The following NFE2L2 variants were observed in gnomAD, a reference collection of about 807,000 sequenced individuals.
NFE2L2 encodes the protein NFE2 like bZIP transcription factor 2, also known as nuclear factor erythroid 2-related factor 2.
In NFE2L2, 20 loss-of-function variants were observed where a neutral mutation model predicts 49.6. The observed-to-expected ratio is 0.40, with a 90% CI of 0.28 to 0.59. NFE2L2 has a LOEUF of 0.59. NFE2L2 is among the 20% of genes least tolerant of loss of function. NFE2L2 has a pLI of 0.40. For synonymous variants in NFE2L2, 244 were observed against 256.5 expected, an observed-to-expected ratio of 0.95 and a Z score of 0.47; for missense variants, 578 against 714.2, an observed-to-expected ratio of 0.81 and a Z score of 2.17.
At chr2:177,264,338 C>T (rs1690859802) in intron 1 of NFE2L2, 194 bp downstream of exon 1, 1 of 530,566 alleles carries the variant, frequency 1.9e-6, no homozygotes, top group Non-Finnish European at 3.2e-6. Context: ...TCGGTCGGAT[C>T]ACCCGGCCGC....
rs189688195 is a variant in NFE2L2 at position 177,254,948 on chromosome 2, T to C, written c.45+9584A>G. Among the ~76,000 whole-genome samples, 186 of 152,370 alleles carry C rather than the reference T, an allele frequency of 1.2e-3. 1 individual carries two copies. Among genetic ancestry groups the C allele is most frequent in the Admixed American group, 2.4e-3 (37 of 15,312 alleles). ...TCAGATGTCTCCTAACTCCAAAGTC[T>C]GGCTCTTTTCACACCATAGGAAGTG... On this transcript the variant is annotated intron_variant, in intron 1 of 4. Transcript: ENST00000397062.
At chr2:177,241,394 T>C (rs1689932654) in intron 1 of NFE2L2, among the ~76,000 whole-genome samples, 1 of 152,232 alleles carries the variant, frequency 6.6e-6, no homozygotes, top group Admixed American at 6.5e-5. Context: ...ATTATTTACC[T>C]AAAAGCTAAA....
At chr2:177,237,411 A>T (rs1367340503) in intron 1 of NFE2L2, among the ~76,000 whole-genome samples, 1 of 152,256 alleles carries the variant, frequency 6.6e-6, no homozygotes, top group Non-Finnish European at 1.5e-5. Flanking sequence ...TAAAATAGGT[A>T]TGAGAATAAT....
chr2:177,247,481 G>A (rs1319721063), intron 1 of NFE2L2, among the ~76,000 whole-genome samples: 3 of 152,048 alleles, frequency 2.0e-5, no homozygotes, highest in Admixed American at 1.3e-4. Flanking sequence ...CCAACATGGT[G>A]AAACCCTGTC....
At position 177,232,502 on chromosome 2, in the gene NFE2L2, C is replaced by G. The variant is rs1689589723; in HGVS notation, c.484G>C (p.Ala162Pro). Residue 162 changes from alanine to proline, a missense_variant, in exon 4 of 5, where the codon GCT becomes CCT. Physicochemically the swap from Ala to Pro is conservative, Grantham distance 27 (BLOSUM62 -1). Coordinates refer to ENST00000397062, the MANE Select transcript of NFE2L2 (RefSeq NM_006164.5). ...GCAACAGAAGTTTCAGGTGACTGAG[C>G]CTGATTAGTAGCAATGAAGACTGGG... The part of the protein sequence containing the change: ...ESPVFIATNQ[A>P]QSPETSVAQV... 3 of 1,614,092 alleles carry G rather than the reference C, an allele frequency of 1.9e-6. No homozygotes were observed. Among genetic ancestry groups the G allele is most frequent in the South Asian group, 1.1e-5 (1 of 91,070 alleles).
chr2:177,248,112 C>G (rs1287462122), intron 1 of NFE2L2, among the ~76,000 whole-genome samples: 1 of 152,108 alleles, frequency 6.6e-6, no homozygotes, highest in Non-Finnish European at 1.5e-5. Flanking sequence ...CAGTTCAAAC[C>G]CCAGGTTTAT....
chr2:177,234,891 G>A (rs746786122), intron 1 of NFE2L2, among the ~76,000 whole-genome samples: 2 of 152,010 alleles, frequency 1.3e-5, no homozygotes, highest in Non-Finnish European at 2.9e-5. Context: ...CAAGGTGGGT[G>A]GATCACCTGA....
intron 1 of NFE2L2, among the ~76,000 whole-genome samples, chr2:177,253,363 G>A (rs775320438): frequency 6.6e-6 from 1 of 152,136 alleles, no homozygotes; most frequent in South Asian, 2.1e-4. Flanking sequence ...CAGGCATGGC[G>A]CTAGACATCA....
chr2:177,246,421 A>G (rs1690132515), intron 1 of NFE2L2, among the ~76,000 whole-genome samples: 2 of 152,216 alleles, frequency 1.3e-5, no homozygotes, highest in African/African-American at 4.8e-5. Flanking sequence ...TAAAAGTTGC[A>G]AAAGTAATTT....
At chr2:177,248,429 G>C (rs1382937005) in intron 1 of NFE2L2, among the ~76,000 whole-genome samples, 1 of 151,384 alleles carries the variant, frequency 6.6e-6, no homozygotes, top group Non-Finnish European at 1.5e-5. Flanking sequence ...TTTTTTTTGA[G>C]ACAGAGTTTC....
chr2:177,240,067 G>A (rs1416436670), intron 1 of NFE2L2, among the ~76,000 whole-genome samples: 4 of 151,970 alleles, frequency 2.6e-5, no homozygotes, highest in East Asian at 1.9e-4. Context: ...GTAAGGAGCC[G>A]TGTGACTGGG....
chr2:177,264,485 G>A, intron 1 of NFE2L2, 47 bp downstream of exon 1: 1 of 1,507,928 alleles, frequency 6.6e-7, no homozygotes, highest in Non-Finnish European at 8.9e-7. Context: ...TAGCTCCCCC[G>A]CCCCCGTCCC....
intron 1 of NFE2L2, among the ~76,000 whole-genome samples, chr2:177,246,173 C>T (rs923120489): frequency 1.3e-5 from 2 of 152,034 alleles, no homozygotes; most frequent in South Asian, 2.1e-4. Flanking sequence ...CTGCCCCATA[C>T]GACTTAACAG....
At chr2:177,235,519 A>AAAAGGTTTTTTAAGAAC (rs1689717522) in intron 1 of NFE2L2, among the ~76,000 whole-genome samples, 1 of 152,158 alleles carries the variant, frequency 6.6e-6, no homozygotes, top group Admixed American at 6.5e-5. Flanking sequence ...GAAGAATCTT[A>AAAAGGTTTTTTAAGAAC]CAAAGAGGGA....
intron 2 of NFE2L2, 37 bp from the exon 3 acceptor site, chr2:177,233,376 G>GTTCCA: frequency 6.7e-7 from 1 of 1,491,782 alleles, no homozygotes; most frequent in Non-Finnish European, 9.2e-7. Flanking sequence ...AAACAAAAAT[G>GTTCCA]GTTAAATATT....
intron 1 of NFE2L2, among the ~76,000 whole-genome samples, chr2:177,239,221 G>A (rs1266883895): frequency 6.6e-6 from 1 of 152,156 alleles, no homozygotes; most frequent in Non-Finnish European, 1.5e-5. Flanking sequence ...GACCCTGGGA[G>A]ACTAAGCAGC....
intron 2 of NFE2L2, 133 bp from the exon 3 acceptor site, chr2:177,233,472 C>A: frequency 1.4e-6 from 1 of 717,126 alleles, no homozygotes. Flanking sequence ...TTTCAGAGAT[C>A]ACTTTGATGC....
intron 1 of NFE2L2, among the ~76,000 whole-genome samples, chr2:177,251,841 T>C (rs1465718873): frequency 2.0e-5 from 3 of 151,652 alleles, no homozygotes; most frequent in Non-Finnish European, 4.4e-5. Context: ...CCGTCTCTAC[T>C]AAAAATACAA....
At chr2:177,236,120 C>T (rs1252616599) in intron 1 of NFE2L2, among the ~76,000 whole-genome samples, 1 of 152,256 alleles carries the variant, frequency 6.6e-6, no homozygotes, top group Admixed American at 6.5e-5. Flanking sequence ...ATTCTGCTGA[C>T]AGCTGGCAAC....
Sources: allele counts gnomAD v4.1 joint callset (sites outside exome capture counted in the v4.1 genomes callset), GRCh38; gene constraint gnomAD v4.1.1; transcripts MANE v1.5; gene names NCBI Gene and HGNC (gene_info 2026-07-23, HGNC 2026-07-21).